Variants in SEMA5A observed in about 807,000 individuals in gnomAD.
SEMA5A encodes semaphorin-5A.
In SEMA5A, 55 loss-of-function variants were observed where a neutral mutation model predicts 135.5. That is an observed-to-expected ratio of 0.41 (90% CI 0.33 to 0.51). SEMA5A has a LOEUF of 0.51. Among genes scored for constraint, SEMA5A ranks in the 20% least tolerant of loss-of-function variants. The pLI is 0.37. For synonymous variants in SEMA5A, 580 were observed against 546.5 expected, an observed-to-expected ratio of 1.06 and a Z score of -0.85; for missense variants, 1,290 against 1,419.9, an observed-to-expected ratio of 0.91 and a Z score of 1.47.
intron 11 of SEMA5A, among the ~76,000 whole-genome samples, chr5:9,169,807 C>A (rs1413547568): frequency 6.6e-6 from 1 of 152,124 alleles, no homozygotes; most frequent in Non-Finnish European, 1.5e-5. Context: ...TGATAATTAC[C>A]CACTCAGAAC....
At chr5:9,282,954 T>C (rs2150568104) in intron 5 of SEMA5A, among the ~76,000 whole-genome samples, 1 of 152,290 alleles carries the variant, frequency 6.6e-6, no homozygotes, top group South Asian at 2.1e-4. Context: ...GCAAGGAACC[T>C]GACTCTCCAT....
At chr5:9,202,588 A>G (rs754057271) in intron 8 of SEMA5A, among the ~76,000 whole-genome samples, 1 of 152,260 alleles carries the variant, frequency 6.6e-6, no homozygotes. Flanking sequence ...GCAAATTCTT[A>G]CATAACCTTC....
chr5:9,158,175 C>T (rs1806135), intron 11 of SEMA5A, among the ~76,000 whole-genome samples: 83,810 of 152,000 alleles, frequency 0.55, 25,837 homozygotes, highest in Middle Eastern at 0.77. Context: ...ATTACTCCCA[C>T]ATTTGCTAAA....
chr5:9,126,490 G>GC (rs1741118860), intron 13 of SEMA5A, among the ~76,000 whole-genome samples: 1 of 151,360 alleles, frequency 6.6e-6, no homozygotes, highest in South Asian at 2.1e-4. Flanking sequence ...AGGTGTAACA[G>GC]CTCCAAGAGT....
intron 2 of SEMA5A, among the ~76,000 whole-genome samples, chr5:9,399,328 G>T (rs772873473): frequency 1.3e-5 from 2 of 152,116 alleles, no homozygotes; most frequent in Non-Finnish European, 2.9e-5. Context: ...CATGCTATAA[G>T]CCTTGAAAAC....
chr5:9,494,741 G>C (rs888658623), intron 1 of SEMA5A, among the ~76,000 whole-genome samples: 1 of 152,054 alleles, frequency 6.6e-6, no homozygotes. Flanking sequence ...ATTGTATAAC[G>C]TGTTCCTGTT....
chr5:9,455,437 T>C (rs1010741086), intron 1 of SEMA5A, among the ~76,000 whole-genome samples: 15 of 151,970 alleles, frequency 9.9e-5, no homozygotes, highest in Non-Finnish European at 1.3e-4. Flanking sequence ...TTTGTATTTT[T>C]AGTAGAGACG....
chr5:9,464,997 T>G (rs1195231906), intron 1 of SEMA5A, among the ~76,000 whole-genome samples: 2 of 152,232 alleles, frequency 1.3e-5, no homozygotes, highest in Non-Finnish European at 2.9e-5. Context: ...CTTGAAATGC[T>G]TCTTTAAGGA....
chr5:9,276,622 C>A (rs1750277289), intron 5 of SEMA5A, among the ~76,000 whole-genome samples: 1 of 151,992 alleles, frequency 6.6e-6, no homozygotes, highest in African/African-American at 2.4e-5. Context: ...ATATATATAC[C>A]AATGGAACAG....
At chr5:9,502,233 C>A (rs746505415) in intron 1 of SEMA5A, among the ~76,000 whole-genome samples, 18 of 152,130 alleles carry the variant, frequency 1.2e-4, no homozygotes, top group Non-Finnish European at 1.5e-4. Flanking sequence ...GGGTTTATTT[C>A]TCTGTAGCAG....
chr5:9,092,611 CAGGAAATGAGATGTTCATA>C (rs1739096149), intron 16 of SEMA5A, among the ~76,000 whole-genome samples: 1 of 152,120 alleles, frequency 6.6e-6, no homozygotes, highest in South Asian at 2.1e-4. Context: ...AGAATATGAA[CAGGAAATGAGATGTTCATA>C]AGCAAATATC....
At chr5:9,114,456 A>G (rs1740403690) in intron 15 of SEMA5A, among the ~76,000 whole-genome samples, 1 of 152,176 alleles carries the variant, frequency 6.6e-6, no homozygotes, top group South Asian at 2.1e-4. Context: ...TGGCAAATTT[A>G]TGTTTTTTTT....
At chr5:9,430,853 T>C (rs933140419) in intron 2 of SEMA5A, among the ~76,000 whole-genome samples, 1 of 152,032 alleles carries the variant, frequency 6.6e-6, no homozygotes, top group Non-Finnish European at 1.5e-5. Context: ...TTTTTGTTTT[T>C]TTTTTAGCAA....
rs558472501 is a variant in SEMA5A, at chr5:9,352,489, A to T, written c.125-14677T>A. On this transcript the variant is annotated intron_variant, in intron 3 of 22. Coordinates refer to ENST00000382496, the MANE Select transcript of SEMA5A (RefSeq NM_003966.3). ...GATCTTGAATTCCCAGGCTCAAGAGATCCACTGGCCTCTGCCTCCCAAAGT... is the reference window on the plus strand; with the variant it reads ...GATCTTGAATTCCCAGGCTCAAGAGTTCCACTGGCCTCTGCCTCCCAAAGT... Among the ~76,000 whole-genome samples the T allele has an allele frequency of 1.3e-4, 20 of 152,186 alleles. No homozygotes were observed. In the East Asian group the frequency reaches 3.5e-3, roughly 26 times the overall value.
At chr5:9,188,799 A>T (rs560380272) in intron 11 of SEMA5A, among the ~76,000 whole-genome samples, 1 of 98,736 alleles carries the variant, frequency 1.0e-5, no homozygotes, top group South Asian at 3.6e-4. Context: ...CACAAACAAA[A>T]ATCAACAAAA....
At chr5:9,154,045 C>CAAAAAAA (rs1157417525) in intron 12 of SEMA5A, among the ~76,000 whole-genome samples, 14 of 34,176 alleles carry the variant, frequency 4.1e-4, no homozygotes, top group African/African-American at 8.8e-4. Flanking sequence ...GACTGTGTCT[C>CAAAAAAA]AAAAAAAAAA....
intron 3 of SEMA5A, among the ~76,000 whole-genome samples, chr5:9,352,335 T>A (rs1177384296): frequency 6.6e-6 from 1 of 151,886 alleles, no homozygotes; most frequent in Admixed American, 6.5e-5. Context: ...TGTATCTATC[T>A]ATCCATCTAT....
intron 2 of SEMA5A, among the ~76,000 whole-genome samples, chr5:9,396,990 C>T (rs972784109): frequency 5.3e-5 from 8 of 151,526 alleles, no homozygotes; most frequent in African/African-American, 1.7e-4. Flanking sequence ...TTACAAGCAT[C>T]GTTTGGAAGC....
At chr5:9,132,372 T>A (rs1741482712) in intron 13 of SEMA5A, among the ~76,000 whole-genome samples, 1 of 152,110 alleles carries the variant, frequency 6.6e-6, no homozygotes, top group South Asian at 2.1e-4. Context: ...GGTGATTAGG[T>A]CAGGAGGGCT....
Sources: gnomAD v4.1 joint callset for allele counts (sites outside exome capture counted in the v4.1 genomes callset) on GRCh38, gnomAD v4.1.1 for gene constraint, MANE v1.5 for transcripts, NCBI Gene and HGNC (gene_info 2026-07-23, HGNC 2026-07-21) for gene names.